Variants in RBM6 observed in about 807,000 individuals in gnomAD.
RBM6 encodes RNA-binding protein 6.
In RBM6, 23 loss-of-function variants were observed where a neutral mutation model predicts 140.4. The ratio of observed to expected loss-of-function variants is 0.16; its 90% CI spans 0.12 to 0.23. The LOEUF is 0.23. Among genes scored for constraint, RBM6 ranks in the 10% least tolerant of loss-of-function variants. The pLI, the probability that RBM6 is intolerant of heterozygous loss-of-function variation, is 1.00. For synonymous variants in RBM6, 439 were observed against 475.6 expected (o/e 0.92, Z 1.00); for missense variants, 1,139 against 1,386.7 (o/e 0.82, Z 2.84).
In RBM6 at chr3:50,062,018, A is replaced by G. The variant is rs767695057; in HGVS notation, c.2496A>G (p.Glu832=). 6.2e-7 allele frequency: 1 copy of G among 1,614,092 alleles called. No individual in the cohort carries two copies. The highest frequency in any genetic ancestry group is 2.2e-5 in the East Asian group (1 of 44,876). ...PGLPEEEEIK[E]KKPTSQGKSS... ...TACCTGAGGAAGAAGAGATCAAGGA[A>G]AAAAAACCCACCAGTCAAGGAAAGT... The change falls in exon 15 of 21, where the codon GAA becomes GAG. Residue 832 remains glutamate (E), a synonymous_variant. Transcript: ENST00000266022.
At chr3:49,987,576 C>A (rs2085621311) in intron 5 of RBM6, among the ~76,000 whole-genome samples, 1 of 152,116 alleles carries the variant, frequency 6.6e-6, no homozygotes, top group African/African-American at 2.4e-5. Context: ...CTCGACCTCC[C>A]AAAGTCCTGG....
intron 5 of RBM6, among the ~76,000 whole-genome samples, chr3:49,993,266 C>T (rs189047665): frequency 1.3e-5 from 2 of 152,220 alleles, no homozygotes; most frequent in African/African-American, 4.8e-5. Flanking sequence ...TAATTTTGGA[C>T]TTAAAGCAAA....
At chr3:49,977,993 A>C (rs2085134258) in intron 5 of RBM6, among the ~76,000 whole-genome samples, 1 of 152,164 alleles carries the variant, frequency 6.6e-6, no homozygotes, top group Admixed American at 6.6e-5. Context: ...TAGTAGTAAC[A>C]GTGACTTAAA....
chr3:50,057,777 A>T lies in RBM6; in HGVS notation c.1743A>T (p.Thr581=), dbSNP rs138873419. 55 of 1,613,506 alleles carry T rather than the reference A, an allele frequency of 3.4e-5. No homozygotes were observed. The highest frequency in any genetic ancestry group is 1.6e-4 in the Middle Eastern group (1 of 6,084). The part of the protein sequence containing the change: ...ELITYPQPQK[T]SIPAPLEKQP... ...TAACCTACCCTCAGCCTCAGAAAAC[A>T]TCCATACCAGCACCATTGGAAAAAC... Residue 581 remains threonine, a synonymous_variant, in exon 9 of 21, where the codon ACA becomes ACT. Transcript: ENST00000266022.
intron 6 of RBM6, among the ~76,000 whole-genome samples, chr3:50,038,751 T>G (rs76268266): frequency 0.017 from 2,653 of 152,214 alleles, 96 homozygotes; most frequent in African/African-American, 0.061. Context: ...GAGAATGGCG[T>G]GAACCCAGGA....
At chr3:49,998,970 T>C (rs536650211) in intron 5 of RBM6, among the ~76,000 whole-genome samples, 3 of 152,166 alleles carry the variant, frequency 2.0e-5, no homozygotes, top group African/African-American at 7.2e-5. Context: ...AGGTGGTTTC[T>C]GCTTGAAAAG....
At chr3:50,042,522 C>T (rs1007607579) in intron 6 of RBM6, among the ~76,000 whole-genome samples, 1 of 152,102 alleles carries the variant, frequency 6.6e-6, no homozygotes, top group African/African-American at 2.4e-5. Flanking sequence ...CACTTGGGCC[C>T]AGGAGTTTGA....
At chr3:50,063,624 G>T (rs1158804802) in intron 15 of RBM6, among the ~76,000 whole-genome samples, 1 of 151,786 alleles carries the variant, frequency 6.6e-6, no homozygotes, top group Non-Finnish European at 1.5e-5. Flanking sequence ...AAATCTGCCG[G>T]GCATGGTGGC....
chr3:50,044,590 A>T (rs2089127211), intron 6 of RBM6, among the ~76,000 whole-genome samples: 1 of 152,172 alleles, frequency 6.6e-6, no homozygotes, highest in Non-Finnish European at 1.5e-5. Flanking sequence ...TCAAAAAAAA[A>T]AAAAAAGAAT....
chr3:50,033,545 T>G (rs1317321326), intron 6 of RBM6, among the ~76,000 whole-genome samples: 1 of 152,238 alleles, frequency 6.6e-6, no homozygotes, highest in Non-Finnish European at 1.5e-5. Flanking sequence ...CCAGCACTGA[T>G]GTAAGTATAT....
At position 49,982,262 on chromosome 3, in the gene RBM6, C is replaced by CTTTTTTTTTTTTTTTTTT. The variant is rs751604271; in HGVS notation, c.1483+6881_1483+6898dup. Among the ~76,000 whole-genome samples the CTTTTTTTTTTTTTTTTTT allele has an allele frequency of 3.5e-4, 24 of 68,390 alleles. 1 individual carries two copies. The highest frequency in any genetic ancestry group is 8.8e-4 in the East Asian group (2 of 2,266). The allele number at this position is 68,390 out of a possible 152,430, so 44.9% of individuals were successfully genotyped here. ...GTACCTTCTGCATTTCTTTTCTTTT[C>CTTTTTTTTTTTTTTTTTT]TTTTTTTTTTTTTTTTTTTTTTTTT... is the stretch of plus-strand genomic sequence containing the variant. On this transcript the variant is annotated intron_variant, in intron 5 of 20. Coordinates refer to ENST00000266022, the MANE Select transcript of RBM6 (RefSeq NM_005777.3).
chr3:49,956,526 T>G (rs2083997507), intron 1 of RBM6, among the ~76,000 whole-genome samples: 1 of 151,668 alleles, frequency 6.6e-6, no homozygotes, highest in Non-Finnish European at 1.5e-5. Context: ...GAGATGGGGT[T>G]TCTCTATGTT....
intron 6 of RBM6, among the ~76,000 whole-genome samples, chr3:50,039,119 G>A (rs1045175984): frequency 1.3e-5 from 2 of 152,000 alleles, no homozygotes; most frequent in African/African-American, 4.8e-5. Flanking sequence ...ATAAGATAGA[G>A]GTTATAGAAT....
intron 20 of RBM6, among the ~76,000 whole-genome samples, chr3:50,076,408 C>T (rs533363336): frequency 2.7e-4 from 41 of 151,366 alleles, no homozygotes; most frequent in African/African-American, 9.7e-4. Context: ...TGATGAAACC[C>T]CTGTCTCTAC....
intron 4 of RBM6, among the ~76,000 whole-genome samples, chr3:49,975,039 A>G (rs915494309): frequency 1.4e-5 from 2 of 146,022 alleles, no homozygotes; most frequent in Admixed American, 6.8e-5. Flanking sequence ...GGGTCTCACT[A>G]TGTTGCCCAG....
intron 15 of RBM6, 33 bp from the exon 16 acceptor site, chr3:50,064,998 A>C: frequency 1.9e-6 from 3 of 1,549,516 alleles, no homozygotes; most frequent in Non-Finnish European, 1.8e-6. Context: ...TTATGAGTGA[A>C]TATCATGTGA....
intron 1 of RBM6, among the ~76,000 whole-genome samples, chr3:49,944,786 A>C (rs1464043677): frequency 1.3e-5 from 2 of 149,942 alleles, no homozygotes; most frequent in African/African-American, 2.5e-5. Context: ...ACAAATATCA[A>C]GTCTTTACTT....
chr3:50,062,974 A>G (rs1215756938), intron 15 of RBM6, among the ~76,000 whole-genome samples: 1 of 143,858 alleles, frequency 7.0e-6, no homozygotes, highest in Non-Finnish European at 1.5e-5. Flanking sequence ...GCTCACTTCT[A>G]CGTCAAACCC....
intron 6 of RBM6, among the ~76,000 whole-genome samples, chr3:50,038,454 G>T (rs1484762943): frequency 6.6e-6 from 1 of 152,126 alleles, no homozygotes; most frequent in Non-Finnish European, 1.5e-5. Flanking sequence ...CCTTGATGTT[G>T]AATTTAGAGT....
Sources: gnomAD v4.1 joint callset for allele counts (sites outside exome capture counted in the v4.1 genomes callset) on GRCh38, gnomAD v4.1.1 for gene constraint, MANE v1.5 for transcripts, NCBI Gene and HGNC (gene_info 2026-07-23, HGNC 2026-07-21) for gene names.